The following NIM1K variants were observed in gnomAD, a reference collection of about 807,000 sequenced individuals.
The protein encoded by NIM1K is serine/threonine-protein kinase NIM1.
In NIM1K, 35 loss-of-function variants were observed where a neutral mutation model predicts 37.1. The observed-to-expected ratio is 0.94, with a 90% CI of 0.72 to 1.25. The LOEUF is 1.25. NIM1K is among the 50% of genes most tolerant of loss of function. NIM1K has a pLI of 0.00. For missense variants in NIM1K, 564 were observed against 548.0 expected (o/e 1.03, Z -0.29); for synonymous variants, 234 against 206.6 (o/e 1.13, Z -1.14).
At chr5:43,250,494 A>G (rs1052205838) in intron 2 of NIM1K, among the ~76,000 whole-genome samples, 1 of 152,308 alleles carries the variant, frequency 6.6e-6, no homozygotes, top group East Asian at 1.9e-4. Context: ...TGTCTTGGTC[A>G]GAGGGCATGC....
In NIM1K at chr5:43,260,360, G is replaced by T. The variant is rs78796174; in HGVS notation, c.292+14293G>T. On this transcript the variant is annotated intron_variant, in intron 2 of 3. Transcript: ENST00000326035. ...CCCATTTGGTATGATGTTGGCTTTC[G>T]GTTTGTGATATATGGCTTTTGTTAT... Among the ~76,000 whole-genome samples, 8 of 152,202 alleles carry T rather than the reference G, an allele frequency of 5.3e-5. No individual in the cohort carries two copies. The East Asian group carries it at 1.5e-3, about 29-fold the overall frequency.
chr5:43,233,296 A>G (rs1204542667), intron 1 of NIM1K: 1 of 437,060 alleles, frequency 2.3e-6, no homozygotes, highest in Non-Finnish European at 4.0e-6. Flanking sequence ...CCTTCTTCTA[A>G]GGCAAGAGTG....
chr5:43,248,093 T>TA (rs1752811449), intron 2 of NIM1K, among the ~76,000 whole-genome samples: 1 of 152,178 alleles, frequency 6.6e-6, no homozygotes, highest in African/African-American at 2.4e-5. Context: ...TGAAAGGCTT[T>TA]AAGTGAAGGT....
At chr5:43,268,959 C>CTTTT in intron 2 of NIM1K, among the ~76,000 whole-genome samples, 1 of 151,558 alleles carries the variant, frequency 6.6e-6, no homozygotes. Flanking sequence ...CCTTCTTTGT[C>CTTTT]TTTTTCTTTT....
chr5:43,271,876 T>C (rs897651003), intron 2 of NIM1K, among the ~76,000 whole-genome samples: 6 of 152,218 alleles, frequency 3.9e-5, no homozygotes, highest in African/African-American at 1.4e-4. Flanking sequence ...GTTCTCCATT[T>C]CTATAATTTT....
At chr5:43,255,525 T>C (rs979822123) in intron 2 of NIM1K, among the ~76,000 whole-genome samples, 1 of 151,864 alleles carries the variant, frequency 6.6e-6, no homozygotes, top group African/African-American at 2.4e-5. Flanking sequence ...CCAAGGTGGG[T>C]GGATTATGAG....
In NIM1K at chr5:43,232,018, A is replaced by G. The variant is rs1315907458; in HGVS notation, c.-694-13064A>G. The G allele has an allele frequency of 7.8e-6, 8 of 1,030,172 alleles. No homozygotes were observed. The Admixed American group carries it at 9.0e-5, about 12-fold the overall frequency. The allele number at this position is 1,030,172 out of a possible 1,614,324, so 63.8% of individuals were successfully genotyped here. On this transcript the variant is annotated intron_variant, in intron 1 of 3. Coordinates refer to ENST00000326035, the MANE Select transcript of NIM1K (RefSeq NM_153361.4). ...GTCCAGGTGAGCCCAGGCCTCAGCA[A>G]TGGCTGTGGTATTGCTCAGCATGCA...
intron 3 of NIM1K, among the ~76,000 whole-genome samples, chr5:43,278,177 C>T (rs1159176518): frequency 1.3e-5 from 2 of 151,964 alleles, no homozygotes; most frequent in East Asian, 3.9e-4. Flanking sequence ...TCCCAAGTAG[C>T]TGGGATTACA....
At chr5:43,192,874 A>G (rs1338369766) in intron 1 of NIM1K, 1 of 152,212 alleles carries the variant, frequency 6.6e-6, no homozygotes, top group Non-Finnish European at 1.5e-5. Context: ...CACCAGACCA[A>G]ATCTGGAGCG....
At position 43,202,378 on chromosome 5, in the gene NIM1K, C is replaced by G. The variant is rs188982908; in HGVS notation, c.-695+9967C>G. Among the ~76,000 whole-genome samples, 337 of 152,226 alleles carry G rather than the reference C, an allele frequency of 2.2e-3. 1 individual carries two copies. Among genetic ancestry groups the G allele is most frequent in the South Asian group, 7.1e-3 (34 of 4,822 alleles). On this transcript the variant is annotated intron_variant, in intron 1 of 3. Coordinates refer to ENST00000326035, the MANE Select transcript of NIM1K (RefSeq NM_153361.4). ...AATTTGTTTTAGATATTTATTCATT[C>G]TGTTAGGCTGGTTGGTGAGCTGATA...
chr5:43,256,299 G>A (rs1752945896), intron 2 of NIM1K, among the ~76,000 whole-genome samples: 1 of 152,246 alleles, frequency 6.6e-6, no homozygotes, highest in East Asian at 1.9e-4. Flanking sequence ...GAAGGTAGTA[G>A]TGGAATGCTG....
intron 1 of NIM1K, chr5:43,232,984 C>T: frequency 8.7e-7 from 1 of 1,152,764 alleles, no homozygotes; most frequent in South Asian, 1.2e-5. Flanking sequence ...AAACACTGCC[C>T]TGGGCACATG....
At chr5:43,266,404 G>T (rs534345260) in intron 2 of NIM1K, among the ~76,000 whole-genome samples, 7 of 152,220 alleles carry the variant, frequency 4.6e-5, no homozygotes, top group African/African-American at 1.7e-4. Flanking sequence ...CTCCATGGGC[G>T]TGGGACCCTC....
intron 2 of NIM1K, among the ~76,000 whole-genome samples, chr5:43,250,182 T>C (rs1051609171): frequency 2.0e-5 from 3 of 152,112 alleles, no homozygotes; most frequent in African/African-American, 7.2e-5. Flanking sequence ...AATGGAATCA[T>C]TCACTGTTGC....
chr5:43,220,617 T>A (rs1752367573), intron 1 of NIM1K, among the ~76,000 whole-genome samples: 1 of 152,168 alleles, frequency 6.6e-6, no homozygotes, highest in Non-Finnish European at 1.5e-5. Context: ...TAGTTATATA[T>A]TTTTATTTTC....
At chr5:43,207,638 T>G (rs1410020606) in intron 1 of NIM1K, 1 of 610,844 alleles carries the variant, frequency 1.6e-6, no homozygotes, top group Admixed American at 1.9e-5. Flanking sequence ...ACAGGGGAAC[T>G]GTGTCAATCT....
At chr5:43,206,577 G>A (rs1316420474) in intron 1 of NIM1K, 5 of 557,252 alleles carry the variant, frequency 9.0e-6, no homozygotes, top group Non-Finnish European at 1.6e-5. Context: ...GGGTCTTGAA[G>A]GCTGAATAAG....
At chr5:43,194,392 C>G (rs2112188121) in intron 1 of NIM1K, among the ~76,000 whole-genome samples, 1 of 152,226 alleles carries the variant, frequency 6.6e-6, no homozygotes, top group African/African-American at 2.4e-5. Context: ...AATGGTAAGC[C>G]TGGAAAAACC....
At chr5:43,221,586 G>C (rs1426776472) in intron 1 of NIM1K, among the ~76,000 whole-genome samples, 1 of 152,174 alleles carries the variant, frequency 6.6e-6, no homozygotes, top group Non-Finnish European at 1.5e-5. Flanking sequence ...CAGGTTCAGA[G>C]AGGCTCCAGG....
Sources: allele counts gnomAD v4.1 joint callset (sites outside exome capture counted in the v4.1 genomes callset), GRCh38; gene constraint gnomAD v4.1.1; transcripts MANE v1.5; gene names NCBI Gene and HGNC (gene_info 2026-07-23, HGNC 2026-07-21).